Variants in MPIG6B observed in about 807,000 individuals in gnomAD.
The protein encoded by MPIG6B is megakaryocyte and platelet inhibitory receptor G6b, also known as immunoglobulin receptor.
In MPIG6B, 22 loss-of-function variants were observed where a neutral mutation model predicts 24.2. That is an observed-to-expected ratio of 0.91 (90% CI 0.65 to 1.30). The LOEUF (loss-of-function observed/expected upper bound fraction) is 1.30, where lower values mean the gene tolerates loss of function less well. Among genes scored for constraint, MPIG6B ranks in the 50% most tolerant of loss-of-function variants. MPIG6B has a pLI of 0.00. For synonymous variants in MPIG6B, 136 were observed against 142.0 expected (o/e 0.96, Z 0.30); for missense variants, 301 against 318.5 (o/e 0.94, Z 0.42).
intron 3 of MPIG6B, 45 bp downstream of exon 3, chr6:31,724,277 G>A (rs1807139200): frequency 6.8e-7 from 1 of 1,460,490 alleles, no homozygotes; most frequent in African/African-American, 1.4e-5. Context: ...AGTGACCAGA[G>A]GTGGAAGGGG....
In MPIG6B at chr6:31,726,572, A is replaced by T. The variant is rs1807383344; in HGVS notation, c.*1498A>T. ...CGCACCCCCTTTATTTCCCTCATAGAAACAGCCTTCTGTAAATTGTTCCAT... is the reference window on the plus strand; with the variant it reads ...CGCACCCCCTTTATTTCCCTCATAGTAACAGCCTTCTGTAAATTGTTCCAT... On this transcript the variant is annotated 3_prime_UTR_variant, in exon 6 of 6. Transcript: ENST00000649779. This position sits in a 1 kb window ranked among gnomAD's most constrained non-coding sequence, Gnocchi z 5.1. 1 of 152,256 alleles carries T rather than the reference A, an allele frequency of 6.6e-6. No individual in the cohort carries two copies. Among genetic ancestry groups the T allele is most frequent in the African/African-American group, 2.4e-5 (1 of 41,448 alleles). 9.4% of individuals were successfully genotyped at this position (152,256 alleles called of 1,614,324 possible).
At position 31,724,208 on chromosome 6, in the gene MPIG6B, T is replaced by C; in HGVS notation, c.476T>C (p.Leu159Ser). The C allele has an allele frequency of 7.4e-6, 12 of 1,613,178 alleles. No individual in the cohort carries two copies. Among genetic ancestry groups the C allele is most frequent in the Non-Finnish European group, 1.0e-5 (12 of 1,179,906 alleles). The change falls in exon 3 of 6, where the codon TTG becomes TCG. Residue 159 changes from leucine to serine, a missense_variant. Transcript: ENST00000649779. ...GGGTTGGTGCTCGGACTGGGAGCTTTGGGCCTGGTCTGGTGGCTGCACAGG... is the reference window on the plus strand; with the variant it reads ...GGGTTGGTGCTCGGACTGGGAGCTTCGGGCCTGGTCTGGTGGCTGCACAGG... ...GAGLVLGLGA[L>S]GLVWWLHRRL...
upstream of MPIG6B, chr6:31,721,611 G>C (rs376207722): frequency 4.8e-5 from 78 of 1,613,100 alleles, no homozygotes; most frequent in Middle Eastern, 1.7e-4. Flanking sequence ...AGGTCTTTGG[G>C]GCCCCCAGGT....
rs1283408563 is a variant in MPIG6B, at chr6:31,725,669, T to G, written c.*595T>G. ...TTTCTTTGTTGCTGGTGTTTTCTTT[T>G]TGGACTCCTCTTCCTTGCTCCATAT... On this transcript the variant is annotated 3_prime_UTR_variant, in exon 6 of 6. Coordinates refer to ENST00000649779, the MANE Select transcript of MPIG6B (RefSeq NM_138272.3). This position sits in a 1 kb window ranked among gnomAD's most constrained non-coding sequence, Gnocchi z 5.2. 1 of 153,086 alleles carries G rather than the reference T, an allele frequency of 6.5e-6. No individual in the cohort carries two copies. Among genetic ancestry groups the G allele is most frequent in the Non-Finnish European group, 1.5e-5 (1 of 68,660 alleles). The allele number at this position is 153,086 out of a possible 1,614,324, so 9.5% of individuals were successfully genotyped here. A position where few individuals can be genotyped will look rare whatever the true frequency, so the allele number is the denominator to read the frequency against.
chr6:31,722,028 C>A (rs1454690158), upstream of MPIG6B, among the ~76,000 whole-genome samples: 5 of 152,174 alleles, frequency 3.3e-5, no homozygotes, highest in Non-Finnish European at 7.4e-5. Context: ...GAATGAGCAT[C>A]ATCAAAGGCC....
Position 31,724,367 on chromosome 6 carries a change from G to T in MPIG6B, c.500+135G>T, listed in dbSNP as rs563961447. 1.4e-4 allele frequency: 115 copies of T among 848,712 alleles called. 1 individual carries two copies. The South Asian group carries it at 1.8e-3, about 13-fold the overall frequency. 52.6% of individuals were successfully genotyped at this position (848,712 alleles called of 1,614,324 possible). ...TTGGCGAAGAATGGGAGAGGTCAAA[G>T]GTGGGAGCGAGGCCGCTGACTGGTG... On this transcript the variant is annotated intron_variant, in intron 3 of 5. Transcript: ENST00000649779.
rs768034908 is a variant in MPIG6B at position 31,723,930 on chromosome 6, C to CAGTG, written c.354_357dup (p.Leu120SerfsTer61). 1.9e-6 allele frequency: 3 copies of CAGTG among 1,579,688 alleles called. No homozygotes were observed. The highest frequency in any genetic ancestry group is 2.6e-6 in the Non-Finnish European group (3 of 1,161,936). ...GGCCGCCACGAGGACGAGAGCCGTACAGTGCTTCACGTGCTGGGGGACAGG... is the reference window on the plus strand; with the variant it reads ...GGCCGCCACGAGGACGAGAGCCGTACAGTGAGTGCTTCACGTGCTGGGGGACAGG... On this transcript the variant is annotated frameshift_variant, in exon 2 of 6. Transcript: ENST00000649779. LOFTEE classifies it high-confidence loss of function. This position sits in a 1 kb window ranked among gnomAD's most constrained non-coding sequence, Gnocchi z 4.3.
chr6:31,722,652 C>T (rs763201306), upstream of MPIG6B, among the ~76,000 whole-genome samples: 22 of 152,056 alleles, frequency 1.4e-4, no homozygotes, highest in East Asian at 4.3e-3. Context: ...GTCAAGAGAT[C>T]GAGACCATCC....
chr6:31,722,458 C>G (rs1457099918), upstream of MPIG6B, among the ~76,000 whole-genome samples: 2 of 152,150 alleles, frequency 1.3e-5, no homozygotes, highest in African/African-American at 4.8e-5. Context: ...CTGTGTGCAC[C>G]TGCTCCAAAG....
At chr6:31,720,327 T>C, upstream of MPIG6B, 2 of 662,402 alleles carry the variant, frequency 3.0e-6, no homozygotes, top group South Asian at 3.5e-5. This position sits in a 1 kb window ranked among gnomAD's most constrained non-coding sequence, Gnocchi z 4.9. Flanking sequence ...CCTGTTTGGC[T>C]GTTTGGTCTA....
Position 31,723,948 on chromosome 6 carries a change from G to A in MPIG6B, c.371G>A (p.Gly124Glu). ...AGCCGTACAGTGCTTCACGTGCTGG[G>A]GGACAGGACCTATTGCAAGGCCCCC... ...DESRTVLHVL[G>E]DRTYCKAPGP... The change falls in exon 2 of 6, where the codon GGG (glycine) becomes GAG (glutamate). Residue 124 changes from glycine (G) to glutamate (E), a missense_variant. By Grantham distance (98) the Gly-to-Glu change is moderately conservative (BLOSUM62 -2). Coordinates refer to ENST00000649779, the MANE Select transcript of MPIG6B (RefSeq NM_138272.3). This position sits in a 1 kb window ranked among gnomAD's most constrained non-coding sequence, Gnocchi z 4.3. 1 of 1,561,552 alleles carries A rather than the reference G, an allele frequency of 6.4e-7. No homozygotes were observed. Among genetic ancestry groups the A allele is most frequent in the Non-Finnish European group, 8.7e-7 (1 of 1,152,064 alleles).
intron 2 of MPIG6B, 41 bp from the exon 3 acceptor site, chr6:31,724,101 C>T: frequency 2.5e-6 from 4 of 1,591,290 alleles, no homozygotes; most frequent in Non-Finnish European, 2.6e-6. Flanking sequence ...CTCGTCAAAC[C>T]CCTGACCTCA....
chr6:31,723,311 T>C, upstream of MPIG6B: 1 of 844,474 alleles, frequency 1.2e-6, no homozygotes, highest in Non-Finnish European at 1.8e-6. The surrounding 1 kb of genome is among the most constrained non-coding windows in gnomAD (Gnocchi z 4.3). Flanking sequence ...CACGCCTAAC[T>C]TCCCTCCGGT....
At position 31,725,177 on chromosome 6, in the gene MPIG6B, A is replaced by AT. The variant is rs1214879655; in HGVS notation, c.*104dup. ...ACCTGGAAGAGGAAGGCACCATGGT[A>AT]TAGAAATAAGTGCTAGACTGGGAGT... On this transcript the variant is annotated 3_prime_UTR_variant, in exon 6 of 6. Coordinates refer to ENST00000649779, the MANE Select transcript of MPIG6B (RefSeq NM_138272.3). The surrounding 1 kb of genome is among the most constrained non-coding windows in gnomAD (Gnocchi z 5.2). 30 of 829,010 alleles carry AT rather than the reference A, an allele frequency of 3.6e-5. 1 individual carries two copies. Among genetic ancestry groups the AT allele is most frequent in the Middle Eastern group, 2.4e-4 (1 of 4,174 alleles). The allele number at this position is 829,010 out of a possible 1,614,324, so 51.4% of individuals were successfully genotyped here.
At chr6:31,720,463 G>A (rs1041605196), upstream of MPIG6B, among the ~76,000 whole-genome samples, 45 of 152,194 alleles carry the variant, frequency 3.0e-4, no homozygotes, top group Non-Finnish European at 3.2e-4. This position sits in a 1 kb window ranked among gnomAD's most constrained non-coding sequence, Gnocchi z 4.9. Context: ...GTTTGGAGGT[G>A]AGTCAAGAGG....
At chr6:31,723,067 C>T (rs1309959100), upstream of MPIG6B, 5 of 457,804 alleles carry the variant, frequency 1.1e-5, no homozygotes, top group Non-Finnish European at 2.0e-5. The surrounding 1 kb of genome is among the most constrained non-coding windows in gnomAD (Gnocchi z 4.3). Flanking sequence ...ACTGCAACCT[C>T]GACCTCCTGA....
upstream of MPIG6B, among the ~76,000 whole-genome samples, chr6:31,722,845 CA>C (rs9281563): frequency 0.046 from 3,437 of 74,528 alleles, 73 homozygotes; most frequent in African/African-American, 0.11. Flanking sequence ...GACTCTGACT[CA>C]AAAAAAAAAA....
In MPIG6B at chr6:31,723,471, T is replaced by C. The variant is rs768375078; in HGVS notation, c.61+27T>C. On this transcript the variant is annotated intron_variant, in intron 1 of 5. Coordinates refer to ENST00000649779, the MANE Select transcript of MPIG6B (RefSeq NM_138272.3). This position sits in a 1 kb window ranked among gnomAD's most constrained non-coding sequence, Gnocchi z 4.3. ...TAAGCGATCCCTGGGAGAGTTGTGA[T>C]AGACGCAGAGGGGCTGAAGCAAGAT... 4 of 1,604,776 alleles carry C rather than the reference T, an allele frequency of 2.5e-6. No individual in the cohort carries two copies. The African/African-American group carries it at 5.4e-5, about 21-fold the overall frequency.
upstream of MPIG6B, chr6:31,721,581 A>C: frequency 6.3e-7 from 1 of 1,586,320 alleles, no homozygotes; most frequent in African/African-American, 1.3e-5. Context: ...CAGGGTGTAA[A>C]GGTCCTGACC....
Sources: allele counts gnomAD v4.1 joint callset (sites outside exome capture counted in the v4.1 genomes callset), GRCh38; gene constraint gnomAD v4.1.1; non-coding constraint Gnocchi (gnomAD v3.1); transcripts MANE v1.5; gene names NCBI Gene and HGNC (gene_info 2026-07-23, HGNC 2026-07-21).